Variants in PRKN observed in about 807,000 individuals in gnomAD.
PRKN encodes E3 ubiquitin-protein ligase parkin.
PRKN carries 56 observed loss-of-function variants against 59.5 expected under a neutral mutation model. The observed-to-expected ratio is 0.94, with a 90% confidence interval of 0.76 to 1.18. The LOEUF (loss-of-function observed/expected upper bound fraction) is 1.18, where lower values mean the gene tolerates loss of function less well. Among genes scored for constraint, PRKN ranks in the 50% most tolerant of loss-of-function variants. The pLI is 0.00. For synonymous variants in PRKN, 250 were observed against 222.1 expected (o/e 1.13, Z -1.12); for missense variants, 657 against 596.4 (o/e 1.10, Z -1.06).
chr6:162,105,391 C>T (rs112343742), intron 4 of PRKN, among the ~76,000 whole-genome samples: 2 of 152,236 alleles, frequency 1.3e-5, no homozygotes, highest in African/African-American at 2.4e-5. Context: ...ACAAATTCTA[C>T]AAATATAAAT....
chr6:161,382,111 C>CAA (rs59174358), intron 10 of PRKN, among the ~76,000 whole-genome samples: 826 of 45,670 alleles, frequency 0.018, 19 homozygotes, highest in African/African-American at 0.051. Context: ...GACTCCATCT[C>CAA]AAAAAAAAAA....
chr6:161,774,941 T>G (rs1233693765), intron 7 of PRKN, among the ~76,000 whole-genome samples: 2 of 152,192 alleles, frequency 1.3e-5, no homozygotes, highest in African/African-American at 4.8e-5. Context: ...ACTTTGAACT[T>G]GGACTACAAG....
intron 2 of PRKN, among the ~76,000 whole-genome samples, chr6:162,319,917 A>G (rs1782914719): frequency 1.3e-5 from 2 of 151,886 alleles, no homozygotes; most frequent in South Asian, 4.1e-4. Flanking sequence ...TAATATATAT[A>G]ATATACATTG....
At chr6:161,629,897 GCA>G (rs1783234693) in intron 7 of PRKN, among the ~76,000 whole-genome samples, 1 of 152,136 alleles carries the variant, frequency 6.6e-6, no homozygotes, top group African/African-American at 2.4e-5. Flanking sequence ...CCTTTCAAAG[GCA>G]CTCTGCTTCC....
intron 6 of PRKN, among the ~76,000 whole-genome samples, chr6:161,928,991 A>G (rs1290744173): frequency 1.3e-5 from 2 of 152,158 alleles, no homozygotes; most frequent in African/African-American, 4.8e-5. Flanking sequence ...AAAAGTACAA[A>G]CGAGGACTCA....
At chr6:161,837,979 A>G (rs1003963752) in intron 6 of PRKN, among the ~76,000 whole-genome samples, 4 of 152,170 alleles carry the variant, frequency 2.6e-5, no homozygotes, top group Admixed American at 2.0e-4. Flanking sequence ...AAGTCATGAG[A>G]AGAAAAGGTC....
rs764965589 is a variant in PRKN, at chr6:161,526,909, T to G, written c.1083+21945A>C. Reference sequence around the variant, plus strand: ...AGAATCCCTGGGCTACAGAAAGGAATAGAGGTTTGGGGTCTCTGGCTGGGA... The same window carrying G: ...AGAATCCCTGGGCTACAGAAAGGAAGAGAGGTTTGGGGTCTCTGGCTGGGA... On this transcript the variant is annotated intron_variant, in intron 9 of 11. Transcript: ENST00000366898. The surrounding 1 kb of genome is among the most constrained non-coding windows in gnomAD (Gnocchi z 4.1). Among the ~76,000 whole-genome samples, 5 of 152,186 alleles carry G rather than the reference T, an allele frequency of 3.3e-5. No individual in the cohort carries two copies. Among genetic ancestry groups the G allele is most frequent in the Non-Finnish European group, 5.9e-5 (4 of 68,032 alleles).
intron 7 of PRKN, among the ~76,000 whole-genome samples, chr6:161,763,208 C>T (rs1231604634): frequency 2.0e-5 from 3 of 152,128 alleles, no homozygotes; most frequent in South Asian, 2.1e-4. Context: ...CCAAATCGTG[C>T]GACTCTCTGT....
Position 161,756,468 on chromosome 6 carries a change from A to C in PRKN, c.871+29304T>G, listed in dbSNP as rs917263451. ...AAAAAAAAAAAAAAAAAAAAAAAAA[A>C]AACACTTTCTCTCAGCTTTTAATTT... On this transcript the variant is annotated intron_variant, in intron 7 of 11. Coordinates refer to ENST00000366898, the MANE Select transcript of PRKN (RefSeq NM_004562.3). Among the ~76,000 whole-genome samples the C allele has an allele frequency of 1.1e-3, 159 of 149,332 alleles. 1 individual carries two copies. The highest frequency in any genetic ancestry group is 3.7e-3 in the African/African-American group (149 of 39,882).
chr6:161,770,139 C>G lies in PRKN; in HGVS notation c.871+15633G>C, dbSNP rs372436748. On this transcript the variant is annotated intron_variant, in intron 7 of 11. Coordinates refer to ENST00000366898, the MANE Select transcript of PRKN (RefSeq NM_004562.3). ...AAATCAGAAAATTGGCAGAAAGAGC[C>G]CTGCATTCCCCAGGGACACTGCGTT... Among the ~76,000 whole-genome samples, 101 of 152,134 alleles carry G rather than the reference C, an allele frequency of 6.6e-4. 4 individuals carry two copies. In the South Asian group the frequency reaches 0.02, roughly 31 times the overall value.
At chr6:162,470,112 T>C (rs1791656769) in intron 1 of PRKN, among the ~76,000 whole-genome samples, 1 of 152,136 alleles carries the variant, frequency 6.6e-6, no homozygotes, top group African/African-American at 2.4e-5. Context: ...GTCAGCTCTC[T>C]ATCAATGACA....
intron 3 of PRKN, among the ~76,000 whole-genome samples, chr6:162,234,463 C>A (rs1778560320): frequency 6.6e-6 from 1 of 151,990 alleles, no homozygotes; most frequent in African/African-American, 2.4e-5. Context: ...TAGAGTTGTC[C>A]CTGAGGATCT....
At chr6:162,456,814 A>AT (rs1790895532) in intron 1 of PRKN, among the ~76,000 whole-genome samples, 1 of 152,180 alleles carries the variant, frequency 6.6e-6, no homozygotes. Flanking sequence ...CTCATAGCCA[A>AT]TATCACTATA....
intron 1 of PRKN, chr6:162,727,320 A>AGGGGCGGCGGCGGGGCGAAGGTGT: frequency 2.8e-6 from 1 of 359,782 alleles, no homozygotes. Flanking sequence ...GGCGAAGGTG[A>AGGGGCGGCGGCGGGGCGAAGGTGT]GGGGCGGCGG....
rs185761082 is a variant in PRKN, at chr6:161,529,446, G to A, written c.1083+19408C>T. Among the ~76,000 whole-genome samples, 1 of 152,176 alleles carries A rather than the reference G, an allele frequency of 6.6e-6. No homozygotes were observed. Among genetic ancestry groups the A allele is most frequent in the Non-Finnish European group, 1.5e-5 (1 of 68,042 alleles). The stretch of plus-strand genomic sequence containing the variant: ...AGCTCCGAGTCTTAGAGATGGAAGA[G>A]GCCTCCTTTTGTAGAGGAACGGGAA... On this transcript the variant is annotated intron_variant, in intron 9 of 11. Transcript: ENST00000366898. The surrounding 1 kb of genome is among the most constrained non-coding windows in gnomAD (Gnocchi z 4.4).
chr6:162,261,778 T>C (rs748020231), intron 3 of PRKN, among the ~76,000 whole-genome samples: 3 of 152,186 alleles, frequency 2.0e-5, no homozygotes, highest in Non-Finnish European at 4.4e-5. Context: ...CCTTGGAAAT[T>C]ATCTTTTTTT....
At chr6:162,684,807 C>T (rs1375994189) in intron 1 of PRKN, among the ~76,000 whole-genome samples, 2 of 152,152 alleles carry the variant, frequency 1.3e-5, no homozygotes, top group East Asian at 3.9e-4. Context: ...GCAGGCCAGC[C>T]TCCCTTTAAA....
intron 1 of PRKN, among the ~76,000 whole-genome samples, chr6:162,709,531 C>T (rs1257912011): frequency 6.6e-6 from 1 of 152,096 alleles, no homozygotes; most frequent in Non-Finnish European, 1.5e-5. Flanking sequence ...AGTTGCAATG[C>T]AAACTCACTC....
At chr6:162,597,019 T>A (rs1301720088) in intron 1 of PRKN, among the ~76,000 whole-genome samples, 1 of 152,198 alleles carries the variant, frequency 6.6e-6, no homozygotes, top group East Asian at 1.9e-4. Context: ...GTCTAAATAG[T>A]TATCAAAAAT....
Sources: gnomAD v4.1 joint callset for allele counts (sites outside exome capture counted in the v4.1 genomes callset) on GRCh38, gnomAD v4.1.1 for gene constraint, Gnocchi (gnomAD v3.1) non-coding constraint, MANE v1.5 for transcripts, NCBI Gene and HGNC (gene_info 2026-07-23, HGNC 2026-07-21) for gene names.